Variants in HSF1 observed in about 807,000 individuals in gnomAD.
HSF1 encodes heat shock transcription factor 1.
HSF1 carries 32 observed loss-of-function variants against 51.7 expected under a neutral mutation model. The ratio of observed to expected loss-of-function variants is 0.62; its 90% CI spans 0.47 to 0.83. The LOEUF (loss-of-function observed/expected upper bound fraction) is 0.83. Among genes scored for constraint, HSF1 ranks in the 40% least tolerant of loss-of-function variants. The probability of loss-of-function intolerance (pLI) is 0.00; values close to 1 mark genes in which losing one functional copy is unlikely to be tolerated. For synonymous variants in HSF1, 396 were observed against 309.7 expected, an observed-to-expected ratio of 1.28 and a Z score of -2.92; for missense variants, 727 against 717.0, an observed-to-expected ratio of 1.01 and a Z score of -0.16.
At chr8:144,298,854 G>A (rs1339417374) in intron 1 of HSF1, among the ~76,000 whole-genome samples, 2 of 152,232 alleles carry the variant, frequency 1.3e-5, no homozygotes, top group Non-Finnish European at 2.9e-5. Flanking sequence ...ATTTGCTGGT[G>A]CACACAGTGA....
rs1554844759 is a variant in HSF1 at position 144,311,974 on chromosome 8, G to A, written c.872G>A (p.Ser291Asn). ...GGSIDERPLS[S>N]SPLVRVKEEP... ...CCCCTCGTGTGCAGGCCCCTATCCAGCAGCCCCCTGGTGCGTGTCAAGGAG... is the reference window on the plus strand; with the variant it reads ...CCCCTCGTGTGCAGGCCCCTATCCAACAGCCCCCTGGTGCGTGTCAAGGAG... Residue 291 changes from serine to asparagine, a missense_variant, in exon 9 of 13, where the codon AGC becomes AAC. By Grantham distance (46) the Ser-to-Asn change is conservative (BLOSUM62 1). This residue lies in a region of HSF1 where 470 missense variants were observed against 398.8 expected (regional missense o/e 1.18). Transcript: ENST00000528838. The A allele has an allele frequency of 6.3e-7, 1 of 1,587,738 alleles. No homozygotes were observed. The highest frequency in any genetic ancestry group is 2.3e-5 in the East Asian group (1 of 43,854).
At chr8:144,302,988 G>A (rs1231745813) in intron 1 of HSF1, among the ~76,000 whole-genome samples, 2 of 152,072 alleles carry the variant, frequency 1.3e-5, no homozygotes, top group Non-Finnish European at 2.9e-5. Context: ...GCTGAGGAGG[G>A]TGCGGAGCCC....
At chr8:144,312,694 T>A (rs1554845244) in intron 9 of HSF1, 2 of 1,535,436 alleles carry the variant, frequency 1.3e-6, no homozygotes, top group Non-Finnish European at 1.7e-6. Context: ...CCTCTCCGCA[T>A]GGCCAAGTCC....
Position 144,314,068 on chromosome 8 carries a change from C to T in HSF1, c.1384+14C>T. The T allele has an allele frequency of 1.9e-6, 3 of 1,605,844 alleles. No individual in the cohort carries two copies. Among genetic ancestry groups the T allele is most frequent in the Non-Finnish European group, 2.5e-6 (3 of 1,177,100 alleles). ...GCCCGGATTCAGGTGAGCCAAGTCC[C>T]ACCGGCCCCACCTCTGCCCCCAACC... On this transcript the variant is annotated intron_variant, in intron 12 of 12. Transcript: ENST00000528838.
At chr8:144,308,588 G>A (rs1190007637) in intron 1 of HSF1, among the ~76,000 whole-genome samples, 1 of 151,760 alleles carries the variant, frequency 6.6e-6, no homozygotes, top group East Asian at 1.9e-4. Flanking sequence ...CGGATGCTTT[G>A]TGAGTGGAAA....
rs184920751 is a variant in HSF1, at chr8:144,312,916, G to A, written c.1143-595G>A. The A allele has an allele frequency of 1.4e-3, 813 of 595,864 alleles. 5 individuals carry two copies. The highest frequency in any genetic ancestry group is 0.013 in the African/African-American group (715 of 53,864). The allele number at this position is 595,864 out of a possible 1,614,324, so 36.9% of individuals were successfully genotyped here. A position where few individuals can be genotyped will look rare whatever the true frequency, so the allele number is the denominator to read the frequency against. On this transcript the variant is annotated intron_variant, in intron 9 of 12. Transcript: ENST00000528838. ...GTCATTGCCTGTGACAGGGATGACA[G>A]GGACAGGCCTCCCTGCTCTGGCACG...
intron 9 of HSF1, chr8:144,312,579 A>C (rs1416282892): frequency 8.2e-6 from 12 of 1,463,926 alleles, no homozygotes; most frequent in Non-Finnish European, 1.1e-5. Flanking sequence ...CGGCCTCCAC[A>C]CCCCCAGCCC....
At chr8:144,312,450 G>A (rs1475022025) in intron 9 of HSF1, among the ~76,000 whole-genome samples, 3 of 152,028 alleles carry the variant, frequency 2.0e-5, no homozygotes, top group Admixed American at 6.5e-5. Flanking sequence ...GGGCATGTCC[G>A]GACAGGCTGC....
rs1554845317 is a variant in HSF1, at chr8:144,312,906, A to G, written c.1143-605A>G. On this transcript the variant is annotated intron_variant, in intron 9 of 12. Coordinates refer to ENST00000528838, the MANE Select transcript of HSF1 (RefSeq NM_005526.4). ...CGGGCCTGTGGTCATTGCCTGTGAC[A>G]GGGATGACAGGGACAGGCCTCCCTG... is the stretch of plus-strand genomic sequence containing the variant. 8.3e-6 allele frequency: 5 copies of G among 603,542 alleles called. No homozygotes were observed. In the Admixed American group the frequency reaches 1.4e-4, roughly 17 times the overall value. The allele number at this position is 603,542 out of a possible 1,614,324, so 37.4% of individuals were successfully genotyped here.
chr8:144,312,592 G>A, intron 9 of HSF1: 1 of 1,504,432 alleles, frequency 6.6e-7, no homozygotes, highest in South Asian at 1.2e-5. Context: ...CCCAGCCCCT[G>A]CCTGCAATGG....
chr8:144,299,587 G>A (rs1447844197), intron 1 of HSF1, among the ~76,000 whole-genome samples: 2 of 152,028 alleles, frequency 1.3e-5, no homozygotes, highest in Non-Finnish European at 2.9e-5. Context: ...TTATAAAAAT[G>A]TTCCCTGTGC....
intron 1 of HSF1, among the ~76,000 whole-genome samples, chr8:144,298,428 C>G (rs1474445927): frequency 7.1e-6 from 1 of 141,154 alleles, no homozygotes; most frequent in Non-Finnish European, 1.5e-5. Context: ...GAAACCCCGT[C>G]TCTACTAAAA....
chr8:144,295,885 T>C (rs554879026), intron 1 of HSF1, among the ~76,000 whole-genome samples: 1 of 152,182 alleles, frequency 6.6e-6, no homozygotes, highest in Non-Finnish European at 1.5e-5. Flanking sequence ...TTTTAAGACC[T>C]ACCTGCATTC....
At chr8:144,312,704 C>T (rs1816766115) in intron 9 of HSF1, 1 of 1,535,432 alleles carries the variant, frequency 6.5e-7, no homozygotes, top group South Asian at 1.2e-5. Flanking sequence ...TGGCCAAGTC[C>T]AGCCAGGGTT....
rs1274474275 is a variant in HSF1, at chr8:144,313,658, CCGCCG to C, written c.1248+49_1248+53del. 9.3e-4 allele frequency: 47 copies of C among 50,652 alleles called. 6 individuals are homozygous for C. Among genetic ancestry groups the C allele is most frequent in the Middle Eastern group, 5.6e-3 (1 of 180 alleles). The allele number at this position is 50,652 out of a possible 1,614,324, so 3.1% of individuals were successfully genotyped here. On this transcript the variant is annotated intron_variant, in intron 10 of 12. Transcript: ENST00000528838. ...CGCCCCGCCTCCCCGCCCCGCCTCC[CCGCCG>C]CGCCGCCCCGCCTCCCCGCCCCGCC...
At chr8:144,299,288 T>C (rs563869646) in intron 1 of HSF1, among the ~76,000 whole-genome samples, 1 of 151,220 alleles carries the variant, frequency 6.6e-6, no homozygotes, top group Non-Finnish European at 1.5e-5. Context: ...CTACAAAAAA[T>C]TAGCCATGTG....
chr8:144,303,076 T>TACCACACGGC (rs1564615813), intron 1 of HSF1, among the ~76,000 whole-genome samples: 3 of 152,048 alleles, frequency 2.0e-5, no homozygotes, highest in Non-Finnish European at 4.4e-5. Flanking sequence ...CATGTGAAAT[T>TACCACACGGC]CAGCATTTAC....
At position 144,314,145 on chromosome 8, in the gene HSF1, A is replaced by G. The variant is rs377250319; in HGVS notation, c.1405A>G (p.Thr469Ala). Residue 469 changes from threonine to alanine, a missense_variant, in exon 13 of 13, where the codon ACA becomes GCA. Thr to Ala is a moderately conservative substitution (Grantham distance 58, BLOSUM62 0). This residue lies in a region of HSF1 where 470 missense variants were observed against 398.8 expected (regional missense o/e 1.18). Coordinates refer to ENST00000528838, the MANE Select transcript of HSF1 (RefSeq NM_005526.4). ...PDSGKQLVHY[T>A]AQPLFLLDPG... ...CGCAGGGAAGCAGCTGGTGCACTAC[A>G]CAGCGCAGCCGCTGTTCCTGCTGGA... 65 of 1,512,802 alleles carry G rather than the reference A, an allele frequency of 4.3e-5. No homozygotes were observed. Among genetic ancestry groups the G allele is most frequent in the Non-Finnish European group, 5.7e-5 (64 of 1,132,168 alleles). The allele number at this position is 1,512,802 out of a possible 1,614,324, so 93.7% of individuals were successfully genotyped here. A position where few individuals can be genotyped will look rare whatever the true frequency, so the allele number is the denominator to read the frequency against.
At position 144,314,450 on chromosome 8, in the gene HSF1, G is replaced by A. The variant is rs567766250; in HGVS notation, c.*120G>A. On this transcript the variant is annotated 3_prime_UTR_variant, in exon 13 of 13. Coordinates refer to ENST00000528838, the MANE Select transcript of HSF1 (RefSeq NM_005526.4). ...TGGGTCGGCCGCCATAGCCCCAGTAGGACAAACGGGCTCGGGTCTGGGCAG... is the reference window on the plus strand; with the variant it reads ...TGGGTCGGCCGCCATAGCCCCAGTAAGACAAACGGGCTCGGGTCTGGGCAG... 1.8e-3 allele frequency: 1,435 copies of A among 802,820 alleles called. 10 individuals are homozygous for A. In the African/African-American group the frequency reaches 0.018, roughly 10 times the overall value. 49.7% of individuals were successfully genotyped at this position (802,820 alleles called of 1,614,324 possible). A position where few individuals can be genotyped will look rare whatever the true frequency, so the allele number is the denominator to read the frequency against.
Sources: gnomAD v4.1 joint callset for allele counts (sites outside exome capture counted in the v4.1 genomes callset) on GRCh38, gnomAD v4.1.1 for gene constraint, gnomAD v4.1.1 regional missense constraint, MANE v1.5 for transcripts, NCBI Gene and HGNC (gene_info 2026-07-23, HGNC 2026-07-21) for gene names.